Variants in MSRA observed in about 807,000 individuals in gnomAD.
MSRA encodes methionine sulfoxide reductase A, also known as mitochondrial peptide methionine sulfoxide reductase.
Under a neutral mutation model 31.3 loss-of-function variants are expected in MSRA, and 54 were observed. That is an observed-to-expected ratio of 1.73 (90% confidence interval 1.39 to 2.17). The LOEUF is 2.17. Among genes scored for constraint, MSRA ranks in the 30% most tolerant of loss-of-function variants. The pLI is 0.00. For missense variants in MSRA, 507 were observed against 300.9 expected, an observed-to-expected ratio of 1.69 and a Z score of -5.07; for synonymous variants, 169 against 116.5, an observed-to-expected ratio of 1.45 and a Z score of -2.90.
chr8:10,139,357 A>G (rs979033585), intron 1 of MSRA, among the ~76,000 whole-genome samples: 1 of 152,272 alleles, frequency 6.6e-6, no homozygotes, highest in Middle Eastern at 3.4e-3. Context: ...ACCACTTCTC[A>G]TGATCTTTAT....
At chr8:10,243,018 T>A (rs1020718512) in intron 2 of MSRA, among the ~76,000 whole-genome samples, 1 of 152,160 alleles carries the variant, frequency 6.6e-6, no homozygotes, top group African/African-American at 2.4e-5. Context: ...GGATTAAATA[T>A]CTCTCTACTT....
At chr8:10,261,643 C>A (rs1798490888) in intron 3 of MSRA, among the ~76,000 whole-genome samples, 1 of 152,164 alleles carries the variant, frequency 6.6e-6, no homozygotes, top group Non-Finnish European at 1.5e-5. Context: ...ACACATACAT[C>A]CATTTTCTTG....
rs908475964 is a variant in MSRA, at chr8:10,296,578, C to T, written c.332-4956C>T. ...TATTCCAATTTTCCCCATGTCATCACGGCTGATTAGAGAATAATTATGATA... is the reference window on the plus strand; with the variant it reads ...TATTCCAATTTTCCCCATGTCATCATGGCTGATTAGAGAATAATTATGATA... On this transcript the variant is annotated intron_variant, in intron 3 of 5. Coordinates refer to ENST00000317173, the MANE Select transcript of MSRA (RefSeq NM_012331.5). Among the ~76,000 whole-genome samples, 12 of 152,172 alleles carry T rather than the reference C, an allele frequency of 7.9e-5. No individual in the cohort carries two copies. The South Asian group carries it at 8.3e-4, about 11-fold the overall frequency.
At chr8:10,277,692 A>G (rs188591248) in intron 3 of MSRA, among the ~76,000 whole-genome samples, 1 of 152,298 alleles carries the variant, frequency 6.6e-6, no homozygotes, top group Non-Finnish European at 1.5e-5. Context: ...ATTGCTTATC[A>G]TCTTTCTTAA....
At chr8:10,256,529 G>C (rs896024745) in intron 3 of MSRA, among the ~76,000 whole-genome samples, 2 of 152,174 alleles carry the variant, frequency 1.3e-5, no homozygotes, top group African/African-American at 4.8e-5. Flanking sequence ...CTACCAGAGA[G>C]GATTTCTGCT....
At chr8:10,307,154 C>T (rs1563332849) in intron 4 of MSRA, among the ~76,000 whole-genome samples, 1 of 141,734 alleles carries the variant, frequency 7.1e-6, no homozygotes, top group Non-Finnish European at 1.5e-5. Flanking sequence ...AGGAAGACCT[C>T]TTCTAAGGAT....
At position 10,325,891 on chromosome 8, in the gene MSRA, G is replaced by T. The variant is rs949430500; in HGVS notation, c.543+5902G>T. ...AACAAGCTCCTGAAACCACAGAGGT[G>T]TTTAAGGTAGGGAGGGTCATTTCTT... On this transcript the variant is annotated intron_variant, in intron 5 of 5. Coordinates refer to ENST00000317173, the MANE Select transcript of MSRA (RefSeq NM_012331.5). 6.6e-5 allele frequency among the ~76,000 whole-genome samples: 10 copies of T among 152,306 alleles called. 1 individual carries two copies. The South Asian group carries it at 2.1e-3, about 32-fold the overall frequency.
chr8:10,373,711 G>T (rs1040030406), intron 5 of MSRA, among the ~76,000 whole-genome samples: 13 of 152,252 alleles, frequency 8.5e-5, no homozygotes, highest in Non-Finnish European at 1.8e-4. Flanking sequence ...AACACCAGGA[G>T]TGAGGGCACG....
At chr8:10,314,048 G>A (rs550386604) in intron 4 of MSRA, among the ~76,000 whole-genome samples, 9 of 152,238 alleles carry the variant, frequency 5.9e-5, no homozygotes, top group African/African-American at 1.4e-4. Context: ...GCAAACGTAC[G>A]AAATTTCAAG....
chr8:10,408,296 G>A (rs1807944782), intron 5 of MSRA, among the ~76,000 whole-genome samples: 1 of 152,202 alleles, frequency 6.6e-6, no homozygotes, highest in Non-Finnish European at 1.5e-5. Flanking sequence ...CAGCACTTCG[G>A]GAGGCTGAGA....
intron 5 of MSRA, among the ~76,000 whole-genome samples, chr8:10,329,102 G>A (rs1585487624): frequency 6.6e-6 from 1 of 152,204 alleles, no homozygotes; most frequent in Non-Finnish European, 1.5e-5. Flanking sequence ...AGATGAAACT[G>A]CCTTCCTCTC....
intron 1 of MSRA, among the ~76,000 whole-genome samples, chr8:10,106,865 C>G (rs1799921523): frequency 6.6e-6 from 1 of 152,060 alleles, no homozygotes; most frequent in Non-Finnish European, 1.5e-5. Context: ...ACCCACGCAC[C>G]TACCCACCTA....
chr8:10,278,971 A>G (rs887720507), intron 3 of MSRA, among the ~76,000 whole-genome samples: 1 of 152,164 alleles, frequency 6.6e-6, no homozygotes, highest in Non-Finnish European at 1.5e-5. Flanking sequence ...AGTAACTGGA[A>G]TAGATTTTTG....
intron 5 of MSRA, among the ~76,000 whole-genome samples, chr8:10,340,081 T>C (rs1803326340): frequency 6.6e-6 from 1 of 152,062 alleles, no homozygotes; most frequent in South Asian, 2.1e-4. Context: ...GAGTAGCCAA[T>C]AATGCTGTCA....
intron 4 of MSRA, among the ~76,000 whole-genome samples, chr8:10,305,923 T>A (rs1801114827): frequency 6.6e-6 from 1 of 152,232 alleles, no homozygotes; most frequent in South Asian, 2.1e-4. Context: ...TGGAATAGTC[T>A]TTTCTTTTAA....
chr8:10,087,110 C>T (rs953640814), intron 1 of MSRA, among the ~76,000 whole-genome samples: 1 of 152,120 alleles, frequency 6.6e-6, no homozygotes, highest in Non-Finnish European at 1.5e-5. Context: ...GTTGTGTTTG[C>T]AAAGTGTCTT....
intron 5 of MSRA, among the ~76,000 whole-genome samples, chr8:10,383,375 G>A (rs371929807): frequency 5.9e-5 from 9 of 152,196 alleles, no homozygotes; most frequent in Non-Finnish European, 8.8e-5. Context: ...GTTTCAAAGC[G>A]TGTGTGTTGT....
chr8:10,132,851 T>A (rs750579419), intron 1 of MSRA, among the ~76,000 whole-genome samples: 2 of 152,228 alleles, frequency 1.3e-5, no homozygotes, highest in Non-Finnish European at 2.9e-5. Flanking sequence ...CACAAAGGTA[T>A]GTCTTTTGAC....
At chr8:10,112,355 G>T (rs1800351470) in intron 1 of MSRA, among the ~76,000 whole-genome samples, 1 of 152,112 alleles carries the variant, frequency 6.6e-6, no homozygotes, top group Non-Finnish European at 1.5e-5. Context: ...AAAAGCTGTT[G>T]GTAAATGAGA....
Sources: gnomAD v4.1 joint callset for allele counts (sites outside exome capture counted in the v4.1 genomes callset) on GRCh38, gnomAD v4.1.1 for gene constraint, MANE v1.5 for transcripts, NCBI Gene and HGNC (gene_info 2026-07-23, HGNC 2026-07-21) for gene names.